MSRB3: variants seen among roughly 807,000 people sequenced by gnomAD.
MSRB3 encodes the protein methionine sulfoxide reductase B3.
MSRB3 carries 13 observed loss-of-function variants against 21.0 expected under a neutral mutation model. The observed-to-expected ratio is 0.62, with a 90% confidence interval of 0.40 to 0.98. MSRB3 has a LOEUF of 0.98. MSRB3 is among the 50% of genes least tolerant of loss of function. The pLI, the probability that MSRB3 is intolerant of heterozygous loss-of-function variation, is 0.00. For synonymous variants in MSRB3, 87 were observed against 88.6 expected (o/e 0.98, Z 0.10); for missense variants, 199 against 230.3 (o/e 0.86, Z 0.88).
intron 5 of MSRB3, among the ~76,000 whole-genome samples, chr12:65,415,794 G>C (rs1004795146): frequency 2.6e-5 from 4 of 152,054 alleles, no homozygotes; most frequent in Non-Finnish European, 2.9e-5. Context: ...TCCCTGGAAG[G>C]GTTTACCAGC....
intron 6 of MSRB3, among the ~76,000 whole-genome samples, chr12:65,455,161 T>G (rs1883031048): frequency 6.6e-6 from 1 of 151,930 alleles, no homozygotes; most frequent in African/African-American, 2.4e-5. Context: ...CACAAAATGT[T>G]TAGGGAGTAG....
chr12:65,287,372 C>G (rs947723952), intron 1 of MSRB3, among the ~76,000 whole-genome samples: 7 of 152,146 alleles, frequency 4.6e-5, no homozygotes, highest in African/African-American at 1.7e-4. Flanking sequence ...AAGCAGTCCT[C>G]CCACCTTGGC....
chr12:65,419,284 G>A (rs1592619189), intron 5 of MSRB3: 2 of 743,392 alleles, frequency 2.7e-6, no homozygotes, highest in African/African-American at 3.4e-5. Flanking sequence ...CATGATCTTG[G>A]CAAGGTCCTG....
intron 5 of MSRB3, chr12:65,418,948 C>T: frequency 1.4e-6 from 1 of 712,034 alleles, no homozygotes; most frequent in Non-Finnish European, 2.5e-6. Flanking sequence ...CTGGTGCTGC[C>T]CCTCTGCCCG....
At chr12:65,355,421 T>G (rs1877327245) in intron 4 of MSRB3, among the ~76,000 whole-genome samples, 1 of 151,846 alleles carries the variant, frequency 6.6e-6, no homozygotes, top group Non-Finnish European at 1.5e-5. Flanking sequence ...CTCTATTTGG[T>G]TTATCAGTAC....
At chr12:65,459,864 TG>T (rs1481489846) in intron 6 of MSRB3, among the ~76,000 whole-genome samples, 5 of 152,342 alleles carry the variant, frequency 3.3e-5, no homozygotes, top group Admixed American at 3.3e-4. Flanking sequence ...TTAAACTTGA[TG>T]CTCAAACACT....
At chr12:65,359,653 G>T (rs1759727678) in intron 4 of MSRB3, among the ~76,000 whole-genome samples, 1 of 152,132 alleles carries the variant, frequency 6.6e-6, no homozygotes, top group Admixed American at 6.6e-5. Context: ...GTATGCTACT[G>T]GTGGTCTCCA....
intron 5 of MSRB3, among the ~76,000 whole-genome samples, chr12:65,445,644 A>C (rs1422861848): frequency 7.5e-6 from 1 of 132,654 alleles, no homozygotes; most frequent in African/African-American, 2.8e-5. Context: ...AGACACATAT[A>C]TATAATTTTT....
chr12:65,363,053 AT>A lies in MSRB3; in HGVS notation c.264-5944del, dbSNP rs925227033. ...TCTTGCTGTAGAGTTGCCATATATA[AT>A]GCGCTTACAGACAAAAATCAGGCTG... On this transcript the variant is annotated intron_variant, in intron 4 of 6. Transcript: ENST00000308259. 1.3e-4 allele frequency among the ~76,000 whole-genome samples: 20 copies of A among 152,298 alleles called. No individual in the cohort carries two copies. The South Asian group carries it at 3.5e-3, about 27-fold the overall frequency.
chr12:65,407,376 C>T (rs1485227845), intron 5 of MSRB3, among the ~76,000 whole-genome samples: 1 of 149,654 alleles, frequency 6.7e-6, no homozygotes, highest in Non-Finnish European at 1.5e-5. Flanking sequence ...ATATTTCACT[C>T]TGCTCTCTTC....
At chr12:65,418,947 C>A (rs1881127470) in intron 5 of MSRB3, 2 of 711,670 alleles carry the variant, frequency 2.8e-6, no homozygotes, top group African/African-American at 3.5e-5. Context: ...CCTGGTGCTG[C>A]CCCTCTGCCC....
At position 65,365,164 on chromosome 12, in the gene MSRB3, T is replaced by A. The variant is rs1386554996; in HGVS notation, c.264-3834T>A. 3.3e-5 allele frequency among the ~76,000 whole-genome samples: 5 copies of A among 152,086 alleles called. No individual in the cohort carries two copies. In the East Asian group the frequency reaches 9.7e-4, roughly 29 times the overall value. ...GGCCTTCTGTTAATATACAGATTCA[T>A]TTGTTCGTGTGTTAATTTATACTAC... On this transcript the variant is annotated intron_variant, in intron 4 of 6. Transcript: ENST00000308259.
At chr12:65,312,042 T>G (rs1791809553) in intron 2 of MSRB3, among the ~76,000 whole-genome samples, 2 of 152,048 alleles carry the variant, frequency 1.3e-5, no homozygotes, top group South Asian at 2.1e-4. Flanking sequence ...GTTTCCTTAA[T>G]GTATTAAAAG....
At chr12:65,388,199 G>A (rs1223659919) in intron 5 of MSRB3, among the ~76,000 whole-genome samples, 1 of 152,168 alleles carries the variant, frequency 6.6e-6, no homozygotes, top group Admixed American at 6.6e-5. Context: ...TATTTAGGAA[G>A]GGTCTCTGTT....
chr12:65,341,950 A>G (rs1321847204), intron 4 of MSRB3, among the ~76,000 whole-genome samples: 2 of 152,086 alleles, frequency 1.3e-5, no homozygotes, highest in South Asian at 2.1e-4. Context: ...ACTATGTTTC[A>G]TTAAATCTAA....
chr12:65,279,542 G>A (rs1299958260), intron 1 of MSRB3: 1 of 152,188 alleles, frequency 6.6e-6, no homozygotes, highest in African/African-American at 2.4e-5. Flanking sequence ...TTGTTTTTAA[G>A]CAGAAAAAGG....
At chr12:65,345,357 C>T (rs1876418713) in intron 4 of MSRB3, among the ~76,000 whole-genome samples, 1 of 151,966 alleles carries the variant, frequency 6.6e-6, no homozygotes, top group Non-Finnish European at 1.5e-5. Flanking sequence ...TAAAAGATGG[C>T]TCATTGGGAA....
chr12:65,455,813 G>A (rs905300728), intron 6 of MSRB3, among the ~76,000 whole-genome samples: 1 of 151,912 alleles, frequency 6.6e-6, no homozygotes, highest in Admixed American at 6.6e-5. Context: ...CTTGGCTCAC[G>A]GCAACCTCCA....
At chr12:65,432,325 T>C (rs1881915409) in intron 5 of MSRB3, among the ~76,000 whole-genome samples, 1 of 151,988 alleles carries the variant, frequency 6.6e-6, no homozygotes, top group Non-Finnish European at 1.5e-5. Flanking sequence ...TGAAATGTTA[T>C]ACCCTTGAGA....
Sources: allele counts gnomAD v4.1 joint callset (sites outside exome capture counted in the v4.1 genomes callset), GRCh38; gene constraint gnomAD v4.1.1; transcripts MANE v1.5; gene names NCBI Gene and HGNC (gene_info 2026-07-23, HGNC 2026-07-21).